Variants in PITRM1 observed in about 807,000 individuals in gnomAD.
PITRM1 encodes the protein pitrilysin metallopeptidase 1.
Under a neutral mutation model 129.9 loss-of-function variants are expected in PITRM1, and 100 were observed. The ratio of observed to expected loss-of-function variants is 0.77; its 90% confidence interval spans 0.65 to 0.91. PITRM1 has a LOEUF of 0.91. Among genes scored for constraint, PITRM1 ranks in the 40% least tolerant of loss-of-function variants. The pLI, the probability that PITRM1 is intolerant of heterozygous loss-of-function variation, is 0.00. For missense variants in PITRM1, 1,471 were observed against 1,318.3 expected (o/e 1.12, Z -1.79); for synonymous variants, 591 against 508.8 (o/e 1.16, Z -2.17).
At chr10:3,148,721 G>GT (rs1194420285) in intron 16 of PITRM1, 1 of 157,952 alleles carries the variant, frequency 6.3e-6, no homozygotes, top group Non-Finnish European at 1.4e-5. Context: ...AAGACTAAAG[G>GT]TTTTTTAAGT....
intron 23 of PITRM1, chr10:3,141,871 G>GA (rs1840259104): frequency 4.4e-6 from 1 of 226,902 alleles, no homozygotes; most frequent in Non-Finnish European, 9.3e-6. Flanking sequence ...GCGCCACTCG[G>GA]GTGGCTGGGG....
chr10:3,171,174 A>C (rs569601252), intron 1 of PITRM1, among the ~76,000 whole-genome samples: 50 of 143,108 alleles, frequency 3.5e-4, no homozygotes, highest in African/African-American at 1.1e-3. Context: ...AAAAAAAAAA[A>C]AAAAAAAAAA....
intron 19 of PITRM1, 47 bp downstream of exon 19, chr10:3,147,525 A>G: frequency 6.4e-7 from 1 of 1,572,914 alleles, no homozygotes. Flanking sequence ...TAACTCTGGA[A>G]TATGTGGCTA....
chr10:3,147,078 A>G, intron 20 of PITRM1, 72 bp downstream of exon 20: 3 of 802,238 alleles, frequency 3.7e-6, no homozygotes, highest in Non-Finnish European at 6.1e-6. Flanking sequence ...AGTTTCTACA[A>G]GTAAGAAATA....
chr10:3,168,237 C>A (rs1375905708), intron 2 of PITRM1, among the ~76,000 whole-genome samples: 4 of 152,188 alleles, frequency 2.6e-5, no homozygotes, highest in Non-Finnish European at 5.9e-5. Context: ...CCACTATGAC[C>A]TGCATCATCT....
At position 3,143,384 on chromosome 10, in the gene PITRM1, C is replaced by A; in HGVS notation, c.2645+5G>T. On this transcript the variant is annotated splice_donor_5th_base_variant and intron_variant, in intron 23 of 26. Coordinates refer to ENST00000224949, the MANE Select transcript of PITRM1 (RefSeq NM_014889.4). ...CCTGAGAGGTCCCGACCTACACCCT[C>A]CTACCTGGCATGATCTGGGTCCGTG... 6.3e-6 allele frequency: 10 copies of A among 1,584,602 alleles called. No homozygotes were observed. Among genetic ancestry groups the A allele is most frequent in the Non-Finnish European group, 8.7e-6 (10 of 1,153,036 alleles).
Position 3,159,873 on chromosome 10 carries a change from T to C in PITRM1, c.982A>G (p.Ile328Val), listed in dbSNP as rs4242746. 1,080,119 of 1,597,334 alleles carry C rather than the reference T, an allele frequency of 0.68. 367,165 individuals carry two copies. Among genetic ancestry groups the C allele is most frequent in the Non-Finnish European group, 0.69 (811,082 of 1,168,660 alleles). ...FATDPSKQTT[I>V]SVSFLLPDIT... ...TCCGGTAAGAGGAAGCTAACGCTGA[T>C]GGTTGTTTGTTTAGAGGGATCTGTA... Residue 328 changes from isoleucine to valine, a missense_variant, in exon 9 of 27, where the codon ATC becomes GTC. Transcript: ENST00000224949.
Position 3,138,142 on chromosome 10 carries a change from G to T in PITRM1, c.3021-18C>A. On this transcript the variant is annotated intron_variant, in intron 26 of 26. Transcript: ENST00000224949. ...CGAGGTATCTGAGAGGAAGGCAGGCGTGGTCAGCAAGGACTGGCTTCTGCG... is the reference window on the plus strand; with the variant it reads ...CGAGGTATCTGAGAGGAAGGCAGGCTTGGTCAGCAAGGACTGGCTTCTGCG... The T allele has an allele frequency of 6.3e-7, 1 of 1,592,570 alleles. No individual in the cohort carries two copies. The highest frequency in any genetic ancestry group is 8.6e-7 in the Non-Finnish European group (1 of 1,163,008).
rs372067816 is a variant in PITRM1 at position 3,138,167 on chromosome 10, G to C, written c.3021-43C>G. 3 of 1,568,748 alleles carry C rather than the reference G, an allele frequency of 1.9e-6. No homozygotes were observed. The East Asian group carries it at 6.7e-5, about 35-fold the overall frequency. On this transcript the variant is annotated intron_variant, in intron 26 of 26. Coordinates refer to ENST00000224949, the MANE Select transcript of PITRM1 (RefSeq NM_014889.4). ...GTGGTCAGCAAGGACTGGCTTCTGC[G>C]TGAGCGCTGTTAGAGTCAGCACGAG...
chr10:3,144,509 A>AAAAAAT, intron 21 of PITRM1, 143 bp from the exon 22 acceptor site: 1 of 585,232 alleles, frequency 1.7e-6, no homozygotes. Context: ...AACGCTTAAA[A>AAAAAAT]AAAATAAAAA....
At position 3,149,707 on chromosome 10, in the gene PITRM1, C is replaced by T. The variant is rs1296465278; in HGVS notation, c.1785G>A (p.Met595Ile). The T allele has an allele frequency of 2.5e-6, 4 of 1,612,130 alleles. No homozygotes were observed. The highest frequency in any genetic ancestry group is 2.5e-6 in the Non-Finnish European group (3 of 1,179,388). Residue 595 changes from methionine (M) to isoleucine (I), a missense_variant, in exon 16 of 27, where the codon ATG (methionine) becomes ATA (isoleucine). By Grantham distance (10) the Met-to-Ile change is conservative. Transcript: ENST00000224949. ...VQYCAQPTNG[M>I]VYFRAFSSLN... is the part of the protein sequence containing the mutation. ...GGCTGGAGAAGGCCCGGAAATACAC[C>T]ATGCCATTGGTGGGCTGGGCGCAGT...
chr10:3,153,613 C>T (rs934395046), intron 14 of PITRM1, among the ~76,000 whole-genome samples: 9 of 149,898 alleles, frequency 6.0e-5, no homozygotes, highest in African/African-American at 2.0e-4. Flanking sequence ...GGCGAGACTC[C>T]GTCTCAAAAA....
chr10:3,143,054 A>T (rs990911523), intron 23 of PITRM1: 2 of 231,376 alleles, frequency 8.6e-6, no homozygotes, highest in African/African-American at 4.9e-5. Context: ...CAGAAATCTC[A>T]GCCTAAATTC....
chr10:3,147,293 A>G (rs1840986869), intron 19 of PITRM1, 43 bp from the exon 20 acceptor site: 1 of 1,393,962 alleles, frequency 7.2e-7, no homozygotes, highest in African/African-American at 1.4e-5. Context: ...AGAGGCTACA[A>G]CAGACCCGCT....
chr10:3,170,754 G>A (rs1300852085), intron 1 of PITRM1, among the ~76,000 whole-genome samples: 1 of 152,122 alleles, frequency 6.6e-6, no homozygotes, highest in African/African-American at 2.4e-5. Context: ...CCAGCACTTT[G>A]GGAGGCCTGG....
chr10:3,141,641 A>G (rs753379900), intron 23 of PITRM1: 1 of 470,196 alleles, frequency 2.1e-6, no homozygotes, highest in Non-Finnish European at 4.4e-6. Flanking sequence ...GGCGGGGCAG[A>G]CAATGATGGG....
chr10:3,171,808 G>A (rs576561420), intron 1 of PITRM1, among the ~76,000 whole-genome samples: 44 of 152,314 alleles, frequency 2.9e-4, no homozygotes, highest in African/African-American at 9.6e-4. Context: ...GAGAGGCTGA[G>A]GAGGGGGATC....
Position 3,138,013 on chromosome 10 carries a change from G to A in PITRM1, c.*18C>T. ...GTGTATTGTCTCGGGCTCCTGTGCA[G>A]TCGAGCGCCACGGCTGCTCATTGGA... On this transcript the variant is annotated 3_prime_UTR_variant, in exon 27 of 27. Coordinates refer to ENST00000224949, the MANE Select transcript of PITRM1 (RefSeq NM_014889.4). 6.6e-7 allele frequency: 1 copy of A among 1,506,704 alleles called. No homozygotes were observed. Among genetic ancestry groups the A allele is most frequent in the South Asian group, 1.2e-5 (1 of 85,196 alleles). 93.3% of individuals were successfully genotyped at this position (1,506,704 alleles called of 1,614,324 possible). A position where few individuals can be genotyped will look rare whatever the true frequency, so the allele number is the denominator to read the frequency against.
chr10:3,155,641 T>C lies in PITRM1; in HGVS notation c.1571A>G (p.Gln524Arg). 1 of 1,613,964 alleles carries C rather than the reference T, an allele frequency of 6.2e-7. No individual in the cohort carries two copies. Among genetic ancestry groups the C allele is most frequent in the Admixed American group, 1.7e-5 (1 of 60,014 alleles). ...TCCGGGGGACAGAGCCTCGACCTTC[T>C]GCTTGAGCTTCGTGGCTTCCACCTG... is the stretch of plus-strand genomic sequence containing the variant. ...QAQVEATKLK[Q>R]KVEALSPGDR... is the part of the protein sequence containing the mutation. The change falls in exon 14 of 27, where the codon CAG becomes CGG. Residue 524 changes from glutamine to arginine, a missense_variant. Physicochemically the swap from Gln to Arg is conservative, Grantham distance 43 (BLOSUM62 1). Transcript: ENST00000224949.
Sources: gnomAD v4.1 joint callset for allele counts (sites outside exome capture counted in the v4.1 genomes callset) on GRCh38, gnomAD v4.1.1 for gene constraint, MANE v1.5 for transcripts, NCBI Gene and HGNC (gene_info 2026-07-23, HGNC 2026-07-21) for gene names.